DNAJC18: variants seen among roughly 807,000 people sequenced by gnomAD.
DNAJC18 encodes the protein dnaJ homolog subfamily C member 18.
A neutral mutation model predicts 48.6 loss-of-function variants in DNAJC18; 40 were observed. That is an observed-to-expected ratio of 0.82 (90% CI 0.64 to 1.07). The LOEUF (loss-of-function observed/expected upper bound fraction) is 1.07, where lower values mean the gene tolerates loss of function less well. Ranked by LOEUF, DNAJC18 falls within the 50% of genes least tolerant of loss-of-function variation. The pLI is 0.00. For synonymous variants in DNAJC18, 135 were observed against 152.2 expected (o/e 0.89, Z 0.83); for missense variants, 340 against 427.7 (o/e 0.79, Z 1.81).
At position 139,439,478 on chromosome 5, in the gene DNAJC18, C is replaced by A. The variant is rs761093234; in HGVS notation, c.-33G>T. 5.6e-6 allele frequency: 9 copies of A among 1,613,820 alleles called. No homozygotes were observed. The highest frequency in any genetic ancestry group is 5.5e-5 in the South Asian group (5 of 91,082). ...CCCAATCAGCAGGTCCGCCGAGCCT[C>A]CCCCGTGCCCGAGGCTGAAAGAGAA... On this transcript the variant is annotated 5_prime_UTR_variant, in exon 1 of 8. Coordinates refer to ENST00000302060, the MANE Select transcript of DNAJC18 (RefSeq NM_152686.4). The surrounding 1 kb of genome is among the most constrained non-coding windows in gnomAD (Gnocchi z 4.1).
chr5:139,423,495 T>C (rs1759186066), intron 5 of DNAJC18, among the ~76,000 whole-genome samples: 1 of 151,940 alleles, frequency 6.6e-6, no homozygotes, highest in Non-Finnish European at 1.5e-5. Context: ...GTTCTGATGA[T>C]TCTCTCGCCT....
Position 139,422,733 on chromosome 5 carries a change from G to GATT in DNAJC18, c.751_753dup (p.Asn251dup). The GATT allele has an allele frequency of 2.5e-6, 4 of 1,608,650 alleles. No individual in the cohort carries two copies. Among genetic ancestry groups the GATT allele is most frequent in the African/African-American group, 1.3e-5 (1 of 74,632 alleles). ...GATTTATAGAACAGACTATATGGGG[G>GATT]ATTAGTAGCCAGCAGCTGAGTAATG... On this transcript the variant is annotated inframe_insertion, in exon 6 of 8. Coordinates refer to ENST00000302060, the MANE Select transcript of DNAJC18 (RefSeq NM_152686.4).
rs1471724708 is a variant in DNAJC18 at position 139,418,526 on chromosome 5, A to G, written c.952+1527T>C. On this transcript the variant is annotated intron_variant, in intron 7 of 7. Transcript: ENST00000302060. ...GATTCTTGTAAAATCTAGTTTAGCA[A>G]TGGGGTAGAGTATTTCCTGAATCCT... Among the ~76,000 whole-genome samples the G allele has an allele frequency of 1.1e-4, 17 of 152,270 alleles. No individual in the cohort carries two copies. The East Asian group carries it at 1.5e-3, about 14-fold the overall frequency.
rs1248315903 is a variant in DNAJC18 at position 139,412,873 on chromosome 5, T to C, written c.*1275A>G. The C allele has an allele frequency of 2.5e-6, 1 of 398,524 alleles. No homozygotes were observed. The highest frequency in any genetic ancestry group is 4.4e-6 in the Non-Finnish European group (1 of 226,072). The allele number at this position is 398,524 out of a possible 1,614,324, so 24.7% of individuals were successfully genotyped here. A position where few individuals can be genotyped will look rare whatever the true frequency, so the allele number is the denominator to read the frequency against. On this transcript the variant is annotated 3_prime_UTR_variant, in exon 8 of 8. Transcript: ENST00000302060. ...ACAGAAAAGATGAGGGGTCATGGGG[T>C]TGGGGAGGACGGAGGCATCCTCGGG...
At chr5:139,424,912 C>G in intron 5 of DNAJC18, 93 bp downstream of exon 5, 2 of 1,052,264 alleles carry the variant, frequency 1.9e-6, no homozygotes, top group Non-Finnish European at 2.9e-6. Flanking sequence ...AGCAACATAT[C>G]TCAGGTTCAA....
chr5:139,420,188 G>A lies in DNAJC18; in HGVS notation c.817C>T (p.Leu273=), dbSNP rs376429883. The part of the protein sequence containing the change: ...GYTISRETQN[L]QVPYFVDKNF... ...TTATCCACAAAGTAAGGCACCTGCAGGTTCTGAGTTTCTCTAGAAATGGTG... is the reference window on the plus strand; with the variant it reads ...TTATCCACAAAGTAAGGCACCTGCAAGTTCTGAGTTTCTCTAGAAATGGTG... The change falls in exon 7 of 8, where the codon CTG becomes TTG. Residue 273 remains leucine (L), a synonymous_variant. Transcript: ENST00000302060. 2 of 1,611,550 alleles carry A rather than the reference G, an allele frequency of 1.2e-6. No homozygotes were observed. The highest frequency in any genetic ancestry group is 4.5e-5 in the East Asian group (2 of 44,790).
intron 2 of DNAJC18, among the ~76,000 whole-genome samples, chr5:139,436,767 C>CT (rs1199636103): frequency 6.6e-6 from 1 of 151,794 alleles, no homozygotes; most frequent in East Asian, 1.9e-4. Context: ...GATTTGGAGT[C>CT]TTTTTTAAAA....
intron 2 of DNAJC18, among the ~76,000 whole-genome samples, chr5:139,429,985 G>C (rs773126213): frequency 1.8e-4 from 27 of 152,090 alleles, no homozygotes; most frequent in Non-Finnish European, 3.2e-4. Flanking sequence ...ATAGAGATGA[G>C]AAGTATAGAA....
At chr5:139,420,354 C>A (rs1759134017) in intron 6 of DNAJC18, 129 bp from the exon 7 acceptor site, 2 of 889,582 alleles carry the variant, frequency 2.2e-6, no homozygotes, top group Non-Finnish European at 3.3e-6. Context: ...TTCTAATATA[C>A]CCAACACTTC....
In DNAJC18 at chr5:139,439,505, G is replaced by A; in HGVS notation, c.-60C>T. On this transcript the variant is annotated 5_prime_UTR_variant, in exon 1 of 8. Coordinates refer to ENST00000302060, the MANE Select transcript of DNAJC18 (RefSeq NM_152686.4). This position sits in a 1 kb window ranked among gnomAD's most constrained non-coding sequence, Gnocchi z 4.1. ...CCCGTGCCCGAGGCTGAAAGAGAAG[G>A]GGGCGCGGAGCGCGGGGCACGCTGG... 6.2e-7 allele frequency: 1 copy of A among 1,612,878 alleles called. No individual in the cohort carries two copies. Among genetic ancestry groups the A allele is most frequent in the Non-Finnish European group, 8.5e-7 (1 of 1,179,572 alleles).
chr5:139,435,705 G>GTTTTTTGTT, intron 2 of DNAJC18, among the ~76,000 whole-genome samples: 2 of 41,192 alleles, frequency 4.9e-5, no homozygotes, highest in East Asian at 2.7e-3. Flanking sequence ...TTCATTGGAA[G>GTTTTTTGTT]TTTTTTTTTT....
At chr5:139,420,542 T>C (rs1461748925) in intron 6 of DNAJC18, among the ~76,000 whole-genome samples, 3 of 148,304 alleles carry the variant, frequency 2.0e-5, no homozygotes, top group Non-Finnish European at 4.4e-5. Context: ...TTTTACGTTG[T>C]GTAGGATCTA....
rs533693200 is a variant in DNAJC18 at position 139,423,367 on chromosome 5, C to T, written c.670-550G>A. Among the ~76,000 whole-genome samples, 7 of 148,740 alleles carry T rather than the reference C, an allele frequency of 4.7e-5. No individual in the cohort carries two copies. In the East Asian group the frequency reaches 1.2e-3, roughly 25 times the overall value. On this transcript the variant is annotated intron_variant, in intron 5 of 7. Transcript: ENST00000302060. ...ACCAGGATGACACTTAAAGGAAATG[C>T]TCATTGGAGCATTTTGGATTTCCTT...
Position 139,412,427 on chromosome 5 carries a change from AT to A in DNAJC18, c.*1720del. The A allele has an allele frequency of 3.7e-6, 1 of 269,656 alleles. No individual in the cohort carries two copies. Among genetic ancestry groups the A allele is most frequent in the Non-Finnish European group, 6.9e-6 (1 of 145,366 alleles). 16.7% of individuals were successfully genotyped at this position (269,656 alleles called of 1,614,324 possible). ...AGGCATGTGCCACCACACCTGGCTA[AT>A]TTTTGTATTATTAGTAGAGATGGGG... is the stretch of plus-strand genomic sequence containing the variant. On this transcript the variant is annotated 3_prime_UTR_variant, in exon 8 of 8. Transcript: ENST00000302060.
intron 7 of DNAJC18, among the ~76,000 whole-genome samples, chr5:139,418,315 G>T (rs1759099415): frequency 6.6e-6 from 1 of 152,042 alleles, no homozygotes. Context: ...GCCACACCTG[G>T]CTTATTTTTA....
At chr5:139,438,307 C>G (rs1467195807) in intron 1 of DNAJC18, among the ~76,000 whole-genome samples, 1 of 147,584 alleles carries the variant, frequency 6.8e-6, no homozygotes, top group African/African-American at 2.5e-5. Flanking sequence ...TAGAGCGAGA[C>G]TCCGTCTCAA....
At chr5:139,414,704 C>CACATGTGCGA (rs1284926882) in intron 7 of DNAJC18, among the ~76,000 whole-genome samples, 1 of 152,244 alleles carries the variant, frequency 6.6e-6, no homozygotes, top group Non-Finnish European at 1.5e-5. Flanking sequence ...CATCATAACT[C>CACATGTGCGA]ACATGTGCGA....
chr5:139,432,007 G>A (rs1166849902), intron 2 of DNAJC18, among the ~76,000 whole-genome samples: 2 of 152,136 alleles, frequency 1.3e-5, no homozygotes, highest in African/African-American at 4.8e-5. Context: ...GAATATATAG[G>A]AGGAATGCCT....
intron 1 of DNAJC18, among the ~76,000 whole-genome samples, chr5:139,437,785 T>G (rs1750704740): frequency 6.6e-6 from 1 of 152,196 alleles, no homozygotes; most frequent in Admixed American, 6.5e-5. Context: ...TATTTTTTGT[T>G]GCAGTGCCTC....
Sources: gnomAD v4.1 joint callset for allele counts (sites outside exome capture counted in the v4.1 genomes callset) on GRCh38, gnomAD v4.1.1 for gene constraint, Gnocchi (gnomAD v3.1) non-coding constraint, MANE v1.5 for transcripts, NCBI Gene and HGNC (gene_info 2026-07-23, HGNC 2026-07-21) for gene names.